Variants in MAP3K7 observed in about 807,000 individuals in gnomAD.
MAP3K7 encodes TGF-beta activated kinase 1.
MAP3K7 carries 21 observed loss-of-function variants against 84.8 expected under a neutral mutation model. That is an observed-to-expected ratio of 0.25 (90% CI 0.18 to 0.36). The LOEUF is 0.36. Ranked by LOEUF, MAP3K7 falls within the 10% of genes least tolerant of loss-of-function variation. MAP3K7 has a pLI of 1.00. For synonymous variants in MAP3K7, 241 were observed against 247.7 expected, an observed-to-expected ratio of 0.97 and a Z score of 0.25; for missense variants, 503 against 747.7, an observed-to-expected ratio of 0.67 and a Z score of 3.82.
chr6:90,586,742 C>T, intron 1 of MAP3K7, 22 bp downstream of exon 1: 1 of 1,565,250 alleles, frequency 6.4e-7, no homozygotes, highest in Non-Finnish European at 8.7e-7. Context: ...GGACCGGCGT[C>T]TCCATGCCGG....
In MAP3K7 at chr6:90,523,728, G is replaced by C. The variant is rs768479279; in HGVS notation, c.1412C>G (p.Thr471Ser). ...ATGACTTCGAGTTGGCTTTTCTGAG[G>C]TTGGTCCTGAGGTAGTAATCATTCT... ...SVRMITTSGP[T>S]SEKPTRSHPW... The change falls in exon 14 of 17, where the codon ACC (threonine) becomes AGC (serine). Residue 471 changes from threonine to serine, a missense_variant. Thr to Ser is a moderately conservative substitution (Grantham distance 58, BLOSUM62 1). Transcript: ENST00000369329. The C allele has an allele frequency of 9.3e-6, 15 of 1,613,454 alleles. No homozygotes were observed. Among genetic ancestry groups the C allele is most frequent in the Non-Finnish European group, 1.3e-5 (15 of 1,179,604 alleles).
At chr6:90,579,895 G>A (rs1777211952) in intron 1 of MAP3K7, among the ~76,000 whole-genome samples, 1 of 152,100 alleles carries the variant, frequency 6.6e-6, no homozygotes, top group Admixed American at 6.6e-5. Context: ...GGACACCACC[G>A]CTCCAACAGG....
In MAP3K7 at chr6:90,544,622, C is replaced by T; in HGVS notation, c.1221G>A (p.Lys407=). ...CAGTTTTACGGTGGCCCCGTTTAGGCTTGGAATAGGCTGCAAAAACACATA... is the reference window on the plus strand; with the variant it reads ...CAGTTTTACGGTGGCCCCGTTTAGGTTTGGAATAGGCTGCAAAAACACATA... ...ARIAATTAYS[K]PKRGHRKTAS... Residue 407 remains lysine (K), a synonymous_variant, in exon 12 of 17, where the codon AAG becomes AAA. Coordinates refer to ENST00000369329, the MANE Select transcript of MAP3K7 (RefSeq NM_145331.3). 1 of 1,612,354 alleles carries T rather than the reference C, an allele frequency of 6.2e-7. No homozygotes were observed. Among genetic ancestry groups the T allele is most frequent in the Non-Finnish European group, 8.5e-7 (1 of 1,178,814 alleles).
chr6:90,547,206 C>T, intron 11 of MAP3K7, 52 bp downstream of exon 11: 3 of 1,594,888 alleles, frequency 1.9e-6, no homozygotes, highest in Non-Finnish European at 2.6e-6. Flanking sequence ...ACTACCATGG[C>T]CAAAAAGGCT....
intron 4 of MAP3K7, among the ~76,000 whole-genome samples, 197 bp downstream of exon 4, chr6:90,561,425 G>A (rs970601599): frequency 6.6e-6 from 1 of 152,136 alleles, no homozygotes; most frequent in East Asian, 1.9e-4. Context: ...TTAAAAAATT[G>A]ATAGACCTCT....
intron 1 of MAP3K7, among the ~76,000 whole-genome samples, chr6:90,574,238 A>G (rs1236202716): frequency 5.3e-5 from 8 of 152,196 alleles, no homozygotes; most frequent in Admixed American, 1.3e-4. Context: ...TTGGGTATGA[A>G]TCAGTGTAAA....
chr6:90,584,647 A>G (rs1777382966), intron 1 of MAP3K7, among the ~76,000 whole-genome samples: 1 of 151,426 alleles, frequency 6.6e-6, no homozygotes, highest in Non-Finnish European at 1.5e-5. Context: ...TTTTCCCTGA[A>G]TCAAGAATGT....
In MAP3K7 at chr6:90,547,317, T is replaced by C; in HGVS notation, c.1151A>G (p.Glu384Gly). Residue 384 changes from glutamate to glycine, a missense_variant, in exon 11 of 17, where the codon GAG becomes GGG. Coordinates refer to ENST00000369329, the MANE Select transcript of MAP3K7 (RefSeq NM_145331.3). Reference protein sequence around the residue: ...SSVESLPPTSEGKRMSADMSE... With the variant: ...SSVESLPPTSGGKRMSADMSE... Reference sequence around the variant, plus strand: ...CATGTCAGCACTCATCCTCTTGCCCTCAGAGGTTGGGGGCAAGCTCTCCAC... The same window carrying C: ...CATGTCAGCACTCATCCTCTTGCCCCCAGAGGTTGGGGGCAAGCTCTCCAC... The C allele has an allele frequency of 6.2e-7, 1 of 1,612,598 alleles. No homozygotes were observed. Among genetic ancestry groups the C allele is most frequent in the Non-Finnish European group, 8.5e-7 (1 of 1,179,248 alleles).
intron 5 of MAP3K7, among the ~76,000 whole-genome samples, chr6:90,559,001 TC>T: frequency 6.6e-6 from 1 of 152,314 alleles, no homozygotes; most frequent in East Asian, 1.9e-4. Context: ...ATAATTCAAC[TC>T]TGTTAATATA....
intron 12 of MAP3K7, among the ~76,000 whole-genome samples, chr6:90,543,559 T>A (rs769117131): frequency 2.4e-4 from 37 of 152,074 alleles, no homozygotes; most frequent in African/African-American, 8.2e-4. Flanking sequence ...ATGGATTCTA[T>A]CCTTACATAG....
chr6:90,519,246 G>A lies in MAP3K7; in HGVS notation c.1524+12C>T, dbSNP rs1775069579. Reference sequence around the variant, plus strand: ...AAAAAAGTCAACTTTCAATAAGAAAGTACTCCTTTACCTGTAGTTGGTGAT... The same window carrying A: ...AAAAAAGTCAACTTTCAATAAGAAAATACTCCTTTACCTGTAGTTGGTGAT... On this transcript the variant is annotated intron_variant, in intron 15 of 16. Transcript: ENST00000369329. 3.8e-6 allele frequency: 6 copies of A among 1,572,472 alleles called. No homozygotes were observed. In the African/African-American group the frequency reaches 4.1e-5, roughly 11 times the overall value.
rs142312332 is a variant in MAP3K7 at position 90,584,160 on chromosome 6, G to A, written c.120+2604C>T. Among the ~76,000 whole-genome samples the A allele has an allele frequency of 2.7e-3, 417 of 152,096 alleles. 2 individuals carry two copies. The highest frequency in any genetic ancestry group is 4.8e-3 in the Non-Finnish European group (327 of 67,958). On this transcript the variant is annotated intron_variant, in intron 1 of 16. Transcript: ENST00000369329. ...TATTCTCATACAATATAAAATATTG[G>A]AAGCAACATAAAATAGTTTTTGTTT...
intron 12 of MAP3K7, among the ~76,000 whole-genome samples, chr6:90,541,322 G>C (rs551662934): frequency 6.6e-6 from 1 of 152,096 alleles, no homozygotes; most frequent in Non-Finnish European, 1.5e-5. Flanking sequence ...GAAAACTGTA[G>C]TTCATATGGT....
intron 12 of MAP3K7, among the ~76,000 whole-genome samples, chr6:90,537,707 T>G (rs1315701894): frequency 2.0e-5 from 3 of 151,958 alleles, no homozygotes; most frequent in Admixed American, 6.6e-5. Flanking sequence ...ACAACAAAAC[T>G]GTGCATTTAT....
intron 3 of MAP3K7, among the ~76,000 whole-genome samples, chr6:90,566,661 C>T (rs561988775): frequency 2.0e-5 from 3 of 152,090 alleles, no homozygotes; most frequent in Non-Finnish European, 4.4e-5. Context: ...AGATTCAATG[C>T]CATCCCCATC....
At position 90,547,298 on chromosome 6, in the gene MAP3K7, A is replaced by C; in HGVS notation, c.1170T>G (p.Ala390=). 1 of 1,613,480 alleles carries C rather than the reference A, an allele frequency of 6.2e-7. No individual in the cohort carries two copies. The highest frequency in any genetic ancestry group is 8.5e-7 in the Non-Finnish European group (1 of 1,179,684). The change falls in exon 11 of 17, where the codon GCT becomes GCG. Residue 390 remains alanine (A), a synonymous_variant. Coordinates refer to ENST00000369329, the MANE Select transcript of MAP3K7 (RefSeq NM_145331.3). The stretch of plus-strand genomic sequence containing the variant: ...TCCTAGCTTCTATTTCAGACATGTC[A>C]GCACTCATCCTCTTGCCCTCAGAGG... ...PPTSEGKRMS[A]DMSEIEARIA...
chr6:90,516,978 G>C (rs1454304658), intron 16 of MAP3K7, among the ~76,000 whole-genome samples: 1 of 151,758 alleles, frequency 6.6e-6, no homozygotes, highest in Non-Finnish European at 1.5e-5. Context: ...TGTGTAGGAA[G>C]GATGAAAAAA....
chr6:90,528,202 C>CT (rs983055070), intron 13 of MAP3K7, among the ~76,000 whole-genome samples: 2 of 151,818 alleles, frequency 1.3e-5, no homozygotes, highest in South Asian at 4.2e-4. Flanking sequence ...TAAAAAGCAC[C>CT]TTTTTTTTCT....
rs1774902836 is a variant in MAP3K7, at chr6:90,514,703, C to T, written c.*1798G>A. 1 of 151,882 alleles carries T rather than the reference C, an allele frequency of 6.6e-6. No homozygotes were observed. Among genetic ancestry groups the T allele is most frequent in the African/African-American group, 2.4e-5 (1 of 41,380 alleles). 9.4% of individuals were successfully genotyped at this position (151,882 alleles called of 1,614,324 possible). A position where few individuals can be genotyped will look rare whatever the true frequency, so the allele number is the denominator to read the frequency against. ...AAAGGCCTCTTTAAAGTGACTAGGT[C>T]CCTTTCAGTGGAGTGACAGATGTAC... On this transcript the variant is annotated 3_prime_UTR_variant, in exon 17 of 17. Coordinates refer to ENST00000369329, the MANE Select transcript of MAP3K7 (RefSeq NM_145331.3).
Sources: allele counts gnomAD v4.1 joint callset (sites outside exome capture counted in the v4.1 genomes callset), GRCh38; gene constraint gnomAD v4.1.1; transcripts MANE v1.5; gene names NCBI Gene and HGNC (gene_info 2026-07-23, HGNC 2026-07-21).